Variants in MTUS2 observed in about 807,000 individuals in gnomAD.
MTUS2 encodes the protein microtubule associated scaffold protein 2, also known as microtubule-associated tumor suppressor candidate 2.
MTUS2 carries 40 observed loss-of-function variants against 114.1 expected under a neutral mutation model. The observed-to-expected ratio is 0.35, with a 90% CI of 0.27 to 0.46. MTUS2 has a LOEUF of 0.46. Ranked by LOEUF, MTUS2 falls within the 20% of genes least tolerant of loss-of-function variation. MTUS2 has a pLI of 1.00. For synonymous variants in MTUS2, 688 were observed against 672.0 expected (o/e 1.02, Z -0.37); for missense variants, 1,679 against 1,705.4 (o/e 0.98, Z 0.27).
chr13:28,955,273 C>T (rs997411345), intron 2 of MTUS2, among the ~76,000 whole-genome samples: 2 of 152,076 alleles, frequency 1.3e-5, no homozygotes, highest in African/African-American at 4.8e-5. Flanking sequence ...GTTAATGCAC[C>T]CCATGCATAA....
chr13:29,196,166 A>T (rs1298911109), intron 5 of MTUS2, among the ~76,000 whole-genome samples: 1 of 150,132 alleles, frequency 6.7e-6, no homozygotes, highest in Non-Finnish European at 1.5e-5. Context: ...GCGCGATCTC[A>T]GCTCACTGCA....
At chr13:29,021,775 A>T (rs1336482413) in intron 2 of MTUS2, among the ~76,000 whole-genome samples, 1 of 152,208 alleles carries the variant, frequency 6.6e-6, no homozygotes, top group African/African-American at 2.4e-5. Flanking sequence ...GAACATGTGT[A>T]TCTTCAAGGG....
At chr13:29,247,652 C>G (rs1021116509) in intron 5 of MTUS2, among the ~76,000 whole-genome samples, 4 of 152,064 alleles carry the variant, frequency 2.6e-5, no homozygotes, top group African/African-American at 9.7e-5. Flanking sequence ...CGAAAAAATG[C>G]TCATCATCAC....
At chr13:29,463,530 G>T (rs563787301) in intron 9 of MTUS2, among the ~76,000 whole-genome samples, 1 of 152,298 alleles carries the variant, frequency 6.6e-6, no homozygotes, top group Non-Finnish European at 1.5e-5. Context: ...GGCTCCAAGG[G>T]CACACGCCCT....
At chr13:29,495,044 C>T (rs1451281058) in intron 12 of MTUS2, among the ~76,000 whole-genome samples, 6 of 151,640 alleles carry the variant, frequency 4.0e-5, no homozygotes, top group African/African-American at 7.3e-5. Context: ...ATTAGCTGGA[C>T]GTGGTGGTGC....
intron 8 of MTUS2, among the ~76,000 whole-genome samples, chr13:29,387,353 T>C (rs12585947): frequency 0.6 from 91,626 of 152,028 alleles, 29,012 homozygotes; most frequent in South Asian, 0.72. Context: ...CACCAAGCCC[T>C]GCGGTTGGAG....
chr13:28,998,974 TAG>T (rs1294372069), intron 2 of MTUS2, among the ~76,000 whole-genome samples: 2 of 152,212 alleles, frequency 1.3e-5, no homozygotes, highest in African/African-American at 2.4e-5. Flanking sequence ...CTCAGATTTT[TAG>T]AGTTTCCGGT....
At chr13:29,064,402 T>C (rs1014049332) in intron 4 of MTUS2, among the ~76,000 whole-genome samples, 1 of 149,582 alleles carries the variant, frequency 6.7e-6, no homozygotes, top group Non-Finnish European at 1.5e-5. Flanking sequence ...TTTTTTTTTT[T>C]TTTTTTTTTT....
intron 8 of MTUS2, among the ~76,000 whole-genome samples, chr13:29,423,662 C>T (rs1157526915): frequency 6.6e-6 from 1 of 152,176 alleles, no homozygotes; most frequent in Non-Finnish European, 1.5e-5. Flanking sequence ...ACAACAATCT[C>T]AACAACAACC....
intron 2 of MTUS2, among the ~76,000 whole-genome samples, chr13:28,936,155 C>T (rs745573867): frequency 7.9e-5 from 12 of 152,082 alleles, no homozygotes; most frequent in African/African-American, 1.9e-4. Context: ...GGAGGGACTT[C>T]GTTAGTTGCC....
chr13:29,382,453 A>AT (rs1259845013), intron 8 of MTUS2, among the ~76,000 whole-genome samples: 2 of 152,030 alleles, frequency 1.3e-5, no homozygotes, highest in Admixed American at 1.3e-4. Flanking sequence ...GTTGCCTAGG[A>AT]TTGGTGGTAT....
At chr13:29,258,467 C>T (rs540065566) in intron 5 of MTUS2, among the ~76,000 whole-genome samples, 6 of 152,332 alleles carry the variant, frequency 3.9e-5, no homozygotes, top group African/African-American at 1.4e-4. Flanking sequence ...AGAACATAAC[C>T]TAATCCCACG....
chr13:29,467,091 A>G lies in MTUS2; in HGVS notation c.3185-13059A>G, dbSNP rs190808882. On this transcript the variant is annotated intron_variant, in intron 9 of 15. Transcript: ENST00000612955. ...CCCAGACTATGGGATAGAGGAATGAAGTTAGCAACAGGCTGTGGAAAGAGG... is the reference window on the plus strand; with the variant it reads ...CCCAGACTATGGGATAGAGGAATGAGGTTAGCAACAGGCTGTGGAAAGAGG... Among the ~76,000 whole-genome samples, 363 of 152,278 alleles carry G rather than the reference A, an allele frequency of 2.4e-3. 2 individuals carry two copies. Among genetic ancestry groups the G allele is most frequent in the African/African-American group, 7.9e-3 (330 of 41,554 alleles).
At chr13:29,062,630 C>A (rs1460006614) in intron 4 of MTUS2, among the ~76,000 whole-genome samples, 1 of 151,946 alleles carries the variant, frequency 6.6e-6, no homozygotes, top group East Asian at 1.9e-4. Flanking sequence ...AGATAGGAAA[C>A]CTCTTAGATT....
At chr13:29,431,133 A>G (rs1876961584) in intron 8 of MTUS2, among the ~76,000 whole-genome samples, 1 of 152,222 alleles carries the variant, frequency 6.6e-6, no homozygotes, top group African/African-American at 2.4e-5. Flanking sequence ...TAAAGTAATC[A>G]GTTTCAGAGA....
At chr13:28,918,751 T>A (rs915069398) in intron 2 of MTUS2, among the ~76,000 whole-genome samples, 1 of 152,114 alleles carries the variant, frequency 6.6e-6, no homozygotes, top group Non-Finnish European at 1.5e-5. Context: ...GTGGTCTTCC[T>A]TCTTTCCTTC....
At chr13:29,500,975 T>G in intron 14 of MTUS2, 122 bp from the exon 15 acceptor site, 2 of 692,316 alleles carry the variant, frequency 2.9e-6, no homozygotes, top group Non-Finnish European at 5.0e-6. Flanking sequence ...ACTAAAGCAT[T>G]GCGAACTGAT....
intron 2 of MTUS2, among the ~76,000 whole-genome samples, chr13:28,865,551 C>T (rs924339208): frequency 3.9e-5 from 6 of 152,216 alleles, no homozygotes; most frequent in Admixed American, 1.3e-4. Context: ...AATGAGAGGC[C>T]GAGCTTAGTT....
At chr13:29,287,649 C>G (rs1392260056) in intron 6 of MTUS2, among the ~76,000 whole-genome samples, 3 of 152,220 alleles carry the variant, frequency 2.0e-5, no homozygotes, top group Non-Finnish European at 1.5e-5. Context: ...AAAACTCAAA[C>G]ATTCTTTCAA....
Sources: gnomAD v4.1 joint callset for allele counts (sites outside exome capture counted in the v4.1 genomes callset) on GRCh38, gnomAD v4.1.1 for gene constraint, MANE v1.5 for transcripts, NCBI Gene and HGNC (gene_info 2026-07-23, HGNC 2026-07-21) for gene names.